The following TNNI3K variants were observed in gnomAD, a reference collection of about 807,000 sequenced individuals.
TNNI3K encodes the protein TNNI3 interacting kinase, also known as serine/threonine-protein kinase TNNI3K.
A neutral mutation model predicts 114.5 loss-of-function variants in TNNI3K; 140 were observed. The ratio of observed to expected loss-of-function variants is 1.22; its 90% confidence interval spans 1.07 to 1.41. The LOEUF is 1.41. Ranked by LOEUF, TNNI3K falls within the 40% of genes most tolerant of loss-of-function variation. The probability of loss-of-function intolerance (pLI) is 0.00; values close to 1 mark genes in which losing one functional copy is unlikely to be tolerated. For missense variants in TNNI3K, 1,125 were observed against 1,007.6 expected, an observed-to-expected ratio of 1.12 and a Z score of -1.58; for synonymous variants, 347 against 347.5, an observed-to-expected ratio of 1.00 and a Z score of 0.02.
At chr1:74,347,908 G>C (rs1482680222) in intron 9 of TNNI3K, among the ~76,000 whole-genome samples, 1 of 152,166 alleles carries the variant, frequency 6.6e-6, no homozygotes, top group Non-Finnish European at 1.5e-5. Flanking sequence ...CCCTTTGTCA[G>C]ATGAGTAGGT....
At chr1:74,513,568 A>T (rs1646300044) in intron 23 of TNNI3K, among the ~76,000 whole-genome samples, 1 of 152,164 alleles carries the variant, frequency 6.6e-6, no homozygotes, top group Non-Finnish European at 1.5e-5. Flanking sequence ...TGCCAAACCT[A>T]AGCAAATCTG....
chr1:74,298,852 T>C (rs1473338664), intron 5 of TNNI3K, among the ~76,000 whole-genome samples: 1 of 152,114 alleles, frequency 6.6e-6, no homozygotes, highest in African/African-American at 2.4e-5. Flanking sequence ...AGTGTCCATT[T>C]TGGTTTATAA....
At chr1:74,414,895 CA>C (rs1011442966) in intron 17 of TNNI3K, among the ~76,000 whole-genome samples, 1 of 152,090 alleles carries the variant, frequency 6.6e-6, no homozygotes, top group African/African-American at 2.4e-5. Flanking sequence ...GTCCTAACCT[CA>C]AAAAAGTAAC....
chr1:74,444,778 T>A (rs1347963363), intron 20 of TNNI3K, among the ~76,000 whole-genome samples: 2 of 150,120 alleles, frequency 1.3e-5, no homozygotes, highest in Admixed American at 1.3e-4. Flanking sequence ...AACTTCAAAC[T>A]GCACTACAAG....
chr1:74,250,236 C>A (rs144223436), intron 3 of TNNI3K, among the ~76,000 whole-genome samples: 2 of 152,326 alleles, frequency 1.3e-5, no homozygotes, highest in African/African-American at 2.4e-5. Context: ...ACAGATTGTT[C>A]TCTCAACTTC....
intron 4 of TNNI3K, among the ~76,000 whole-genome samples, chr1:74,254,184 C>A (rs1279393806): frequency 6.6e-6 from 1 of 152,136 alleles, no homozygotes; most frequent in Non-Finnish European, 1.5e-5. Context: ...AACCATTTGA[C>A]AGTAAATTGT....
chr1:74,511,763 C>T (rs773470605), intron 23 of TNNI3K, among the ~76,000 whole-genome samples: 1 of 151,828 alleles, frequency 6.6e-6, no homozygotes, highest in African/African-American at 2.4e-5. Flanking sequence ...GTAGGCTTCC[C>T]AAAAGCCATC....
chr1:74,360,415 C>A (rs903051828), intron 11 of TNNI3K, among the ~76,000 whole-genome samples: 10 of 151,992 alleles, frequency 6.6e-5, no homozygotes, highest in Non-Finnish European at 1.3e-4. Flanking sequence ...CATGCCACAA[C>A]CATCATCATA....
chr1:74,489,370 A>G (rs181527937), intron 22 of TNNI3K, 122 bp downstream of exon 22: 11 of 940,346 alleles, frequency 1.2e-5, no homozygotes, highest in Middle Eastern at 4.5e-4. Flanking sequence ...CTCCATCCAT[A>G]TTTGCCCTAT....
At chr1:74,238,655 AT>A (rs917680703) in intron 2 of TNNI3K, among the ~76,000 whole-genome samples, 1 of 152,104 alleles carries the variant, frequency 6.6e-6, no homozygotes, top group East Asian at 1.9e-4. Flanking sequence ...GATTTGAAGA[AT>A]TTTGAGACTA....
intron 9 of TNNI3K, among the ~76,000 whole-genome samples, chr1:74,345,265 G>T (rs1660945154): frequency 6.6e-6 from 1 of 151,970 alleles, no homozygotes; most frequent in African/African-American, 2.4e-5. Context: ...AATAATTCAA[G>T]AAAAAGTCAT....
chr1:74,276,320 A>C (rs1280141598), intron 5 of TNNI3K, among the ~76,000 whole-genome samples: 3 of 152,132 alleles, frequency 2.0e-5, no homozygotes, highest in Non-Finnish European at 4.4e-5. Context: ...TATTGGGCAT[A>C]ATGGATGGTC....
At chr1:74,394,325 G>C (rs1663959266) in intron 17 of TNNI3K, among the ~76,000 whole-genome samples, 3 of 152,134 alleles carry the variant, frequency 2.0e-5, no homozygotes, top group Admixed American at 6.5e-5. Flanking sequence ...TGAATTTTTA[G>C]AGTCTGTCTC....
At chr1:74,332,510 C>G (rs1246171849) in intron 6 of TNNI3K, among the ~76,000 whole-genome samples, 1 of 152,004 alleles carries the variant, frequency 6.6e-6, no homozygotes, top group Non-Finnish European at 1.5e-5. Context: ...CCATGTTAGC[C>G]AGGATGGTCT....
chr1:74,320,019 T>C (rs1659521297), intron 5 of TNNI3K, among the ~76,000 whole-genome samples: 1 of 152,210 alleles, frequency 6.6e-6, no homozygotes, highest in Non-Finnish European at 1.5e-5. Flanking sequence ...GTTATAGAAG[T>C]CTGGGTTTGA....
chr1:74,423,583 A>T (rs1362399409), intron 17 of TNNI3K, among the ~76,000 whole-genome samples: 2 of 152,152 alleles, frequency 1.3e-5, no homozygotes, highest in Admixed American at 1.3e-4. Flanking sequence ...ATTACCATAT[A>T]AGGTTACTGT....
intron 17 of TNNI3K, among the ~76,000 whole-genome samples, chr1:74,434,917 G>T (rs888941669): frequency 6.6e-6 from 1 of 151,984 alleles, no homozygotes; most frequent in Non-Finnish European, 1.5e-5. Context: ...TATATAAAGT[G>T]ATTCAATATC....
intron 5 of TNNI3K, among the ~76,000 whole-genome samples, chr1:74,304,570 G>A (rs1174404968): frequency 6.6e-6 from 1 of 152,066 alleles, no homozygotes; most frequent in East Asian, 1.9e-4. Context: ...AGCTTCCAGA[G>A]TAGCTAGGAC....
In TNNI3K at chr1:74,436,152, C is replaced by T. The variant is rs1258643552; in HGVS notation, c.1825+20C>T. The T allele has an allele frequency of 6.2e-7, 1 of 1,609,324 alleles. No individual in the cohort carries two copies. The highest frequency in any genetic ancestry group is 1.7e-5 in the Admixed American group (1 of 59,388). On this transcript the variant is annotated intron_variant, in intron 18 of 24. Coordinates refer to ENST00000326637, the MANE Select transcript of TNNI3K (RefSeq NM_015978.3). ...TTGGAGGTGAGATACCCCAAAATGGCATCCTTTTTTTCTTTGTTCCTAGCT... is the reference window on the plus strand; with the variant it reads ...TTGGAGGTGAGATACCCCAAAATGGTATCCTTTTTTTCTTTGTTCCTAGCT...
Sources: allele counts gnomAD v4.1 joint callset (sites outside exome capture counted in the v4.1 genomes callset), GRCh38; gene constraint gnomAD v4.1.1; transcripts MANE v1.5; gene names NCBI Gene and HGNC (gene_info 2026-07-23, HGNC 2026-07-21).